The following ABHD6 variants were observed in gnomAD, a reference collection of about 807,000 sequenced individuals.
ABHD6 encodes the protein abhydrolase domain containing 6, acylglycerol lipase.
Under a neutral mutation model 38.8 loss-of-function variants are expected in ABHD6, and 33 were observed. That is an observed-to-expected ratio of 0.85 (90% CI 0.64 to 1.14). ABHD6 has a LOEUF of 1.14. ABHD6 is among the 50% of genes most tolerant of loss of function. The pLI is 0.00. For synonymous variants in ABHD6, 147 were observed against 161.6 expected (o/e 0.91, Z 0.69); for missense variants, 380 against 422.6 (o/e 0.90, Z 0.88).
At chr3:58,247,900 C>T (rs531501694) in intron 1 of ABHD6, among the ~76,000 whole-genome samples, 5 of 152,344 alleles carry the variant, frequency 3.3e-5, no homozygotes, top group East Asian at 3.9e-4. Context: ...GTTAAATATG[C>T]ACATAGTAGC....
chr3:58,280,192 T>G (rs1455835445), intron 7 of ABHD6, among the ~76,000 whole-genome samples: 3 of 152,222 alleles, frequency 2.0e-5, no homozygotes, highest in African/African-American at 7.2e-5. Context: ...GTTTTCCAAC[T>G]TGGTTCCATT....
At chr3:58,290,788 G>A (rs1322877426) in intron 9 of ABHD6, among the ~76,000 whole-genome samples, 6 of 148,968 alleles carry the variant, frequency 4.0e-5, no homozygotes, top group Admixed American at 2.7e-4. Flanking sequence ...ATGGGCGGCC[G>A]GGCAGAGACG....
rs925767117 is a variant in ABHD6 at position 58,245,018 on chromosome 3, A to G, written c.-90-4860A>G. On this transcript the variant is annotated intron_variant, in intron 1 of 9. Transcript: ENST00000478253. ...GAAAGAAGATGTGGATCAGTGCACAAGGACCCTGAATGCTAGACTTTGTGC... is the reference window on the plus strand; with the variant it reads ...GAAAGAAGATGTGGATCAGTGCACAGGGACCCTGAATGCTAGACTTTGTGC... 6.5e-4 allele frequency among the ~76,000 whole-genome samples: 99 copies of G among 152,188 alleles called. 3 individuals are homozygous for G. Among genetic ancestry groups the G allele is most frequent in the Non-Finnish European group, 7.3e-5 (5 of 68,042 alleles).
Position 58,285,153 on chromosome 3 carries a change from C to CT in ABHD6, c.736+17dup. On this transcript the variant is annotated intron_variant, in intron 8 of 9. Transcript: ENST00000478253. The surrounding 1 kb of genome is among the most constrained non-coding windows in gnomAD (Gnocchi z 4.9). ...TCTACCGAAAGTGTAAGTAGCCCTA[C>CT]TTTCAGCTTGGAGCTTGTTACAAGT... The CT allele has an allele frequency of 6.2e-7, 1 of 1,613,410 alleles. No individual in the cohort carries two copies. The highest frequency in any genetic ancestry group is 1.1e-5 in the South Asian group (1 of 91,068).
At chr3:58,280,942 T>C (rs776225885) in intron 7 of ABHD6, among the ~76,000 whole-genome samples, 4 of 152,154 alleles carry the variant, frequency 2.6e-5, no homozygotes, top group Admixed American at 6.5e-5. Context: ...ACAGCAAATA[T>C]TGCTGCCTGA....
At chr3:58,247,008 AG>A (rs1466693023) in intron 1 of ABHD6, among the ~76,000 whole-genome samples, 1 of 149,754 alleles carries the variant, frequency 6.7e-6, no homozygotes, top group Non-Finnish European at 1.5e-5. Flanking sequence ...AATGAAAAAC[AG>A]TTAATATTTG....
At chr3:58,275,804 C>T (rs1157564721) in intron 7 of ABHD6, among the ~76,000 whole-genome samples, 3 of 152,122 alleles carry the variant, frequency 2.0e-5, no homozygotes, top group African/African-American at 7.2e-5. Flanking sequence ...GCCCCCTACC[C>T]CCTGCCTGGT....
At chr3:58,252,231 T>TTG (rs2097430444) in intron 2 of ABHD6, among the ~76,000 whole-genome samples, 1 of 137,796 alleles carries the variant, frequency 7.3e-6, no homozygotes, top group African/African-American at 2.8e-5. Flanking sequence ...GACTGCTTGT[T>TTG]TTTTTTTTTT....
chr3:58,244,145 T>C (rs2097424719), intron 1 of ABHD6, among the ~76,000 whole-genome samples: 1 of 152,148 alleles, frequency 6.6e-6, no homozygotes, highest in African/African-American at 2.4e-5. Context: ...ACATAAACAA[T>C]GGAAAGTAAA....
rs950339573 is a variant in ABHD6 at position 58,265,770 on chromosome 3, T to C, written c.120-1419T>C. ...CAATATCTGGCAAGGGCCTTCCTGC[T>C]GTGTCATCCCGTGGTGGAAGGTAGA... On this transcript the variant is annotated intron_variant, in intron 3 of 9. Transcript: ENST00000478253. This position sits in a 1 kb window ranked among gnomAD's most constrained non-coding sequence, Gnocchi z 4.2. Among the ~76,000 whole-genome samples the C allele has an allele frequency of 1.3e-5, 2 of 152,212 alleles. No individual in the cohort carries two copies. The highest frequency in any genetic ancestry group is 2.9e-5 in the Non-Finnish European group (2 of 68,034).
intron 7 of ABHD6, among the ~76,000 whole-genome samples, chr3:58,275,805 C>G (rs374331831): frequency 1.3e-5 from 2 of 152,246 alleles, no homozygotes; most frequent in East Asian, 1.9e-4. Flanking sequence ...CCCCCTACCC[C>G]CTGCCTGGTG....
rs550949916 is a variant in ABHD6, at chr3:58,252,545, C to G, written c.-26+2603C>G. ...TAACACCACCACACTGAGAGTTTCT[C>G]TTTGACCCAAGCAGGACTGAAAAGA... On this transcript the variant is annotated intron_variant, in intron 2 of 9. Transcript: ENST00000478253. 1.7e-4 allele frequency among the ~76,000 whole-genome samples: 26 copies of G among 152,222 alleles called. No individual in the cohort carries two copies. In the South Asian group the frequency reaches 5.4e-3, roughly 32 times the overall value.
At chr3:58,268,816 T>C (rs934175518) in intron 4 of ABHD6, among the ~76,000 whole-genome samples, 1 of 152,196 alleles carries the variant, frequency 6.6e-6, no homozygotes, top group African/African-American at 2.4e-5. Context: ...ATAATAATAA[T>C]TTGGAAAAGT....
At position 58,267,224 on chromosome 3, in the gene ABHD6, A is replaced by G. The variant is rs1459545484; in HGVS notation, c.155A>G (p.Tyr52Cys). The change falls in exon 4 of 10, where the codon TAT becomes TGT. Residue 52 changes from tyrosine (Y) to cysteine (C), a missense_variant. Transcript: ENST00000478253. This position sits in a 1 kb window ranked among gnomAD's most constrained non-coding sequence, Gnocchi z 4.3. ...WRRTLGMQVR[Y>C]VHHEDYQFCY... ...AGGACATTGGGCATGCAAGTCCGCTATGTTCACCATGAAGACTATCAGTTC... is the reference window on the plus strand; with the variant it reads ...AGGACATTGGGCATGCAAGTCCGCTGTGTTCACCATGAAGACTATCAGTTC... 14 of 1,614,154 alleles carry G rather than the reference A, an allele frequency of 8.7e-6. No individual in the cohort carries two copies. Among genetic ancestry groups the G allele is most frequent in the Non-Finnish European group, 1.1e-5 (13 of 1,180,006 alleles).
At chr3:58,244,779 C>T (rs565977663) in intron 1 of ABHD6, among the ~76,000 whole-genome samples, 10 of 152,030 alleles carry the variant, frequency 6.6e-5, no homozygotes, top group African/African-American at 2.4e-4. Context: ...CAAAAAAAAG[C>T]ACAGAAATGT....
Position 58,238,360 on chromosome 3 carries a change from C to G in ABHD6, c.-91+444C>G, listed in dbSNP as rs1264708752. On this transcript the variant is annotated intron_variant, in intron 1 of 9. Transcript: ENST00000478253. This position sits in a 1 kb window ranked among gnomAD's most constrained non-coding sequence, Gnocchi z 6.9. ...ATAGCATCTTGCTCCGTGTCACGCGCCGCCTCCGCGCCGTCCCCAAGATCT... is the reference window on the plus strand; with the variant it reads ...ATAGCATCTTGCTCCGTGTCACGCGGCGCCTCCGCGCCGTCCCCAAGATCT... The G allele has an allele frequency of 6.6e-6, 1 of 152,596 alleles. No individual in the cohort carries two copies. The highest frequency in any genetic ancestry group is 2.4e-5 in the African/African-American group (1 of 41,472). 9.5% of individuals were successfully genotyped at this position (152,596 alleles called of 1,614,324 possible). A position where few individuals can be genotyped will look rare whatever the true frequency, so the allele number is the denominator to read the frequency against.
In ABHD6 at chr3:58,285,551, T is replaced by C. The variant is rs1056691043; in HGVS notation, c.837+98T>C. ...ACAAGTGGTTATTTATGGAGTGAGC[T>C]GATCGCTGCTGTCAGGAAGAGGGGG... On this transcript the variant is annotated intron_variant, in intron 9 of 9. Transcript: ENST00000478253. The surrounding 1 kb of genome is among the most constrained non-coding windows in gnomAD (Gnocchi z 4.9). The C allele has an allele frequency of 1.9e-6, 2 of 1,042,636 alleles. No individual in the cohort carries two copies. The highest frequency in any genetic ancestry group is 1.6e-5 in the African/African-American group (1 of 63,986). 64.6% of individuals were successfully genotyped at this position (1,042,636 alleles called of 1,614,324 possible).
intron 1 of ABHD6, among the ~76,000 whole-genome samples, chr3:58,245,638 G>C (rs954236442): frequency 6.6e-6 from 1 of 152,150 alleles, no homozygotes; most frequent in Non-Finnish European, 1.5e-5. Context: ...AATTAGCCGG[G>C]TATGATGGTG....
rs948429723 is a variant in ABHD6 at position 58,287,015 on chromosome 3, G to A, written c.837+1562G>A. On this transcript the variant is annotated intron_variant, in intron 9 of 9. Coordinates refer to ENST00000478253, the MANE Select transcript of ABHD6 (RefSeq NM_001320126.2). This position sits in a 1 kb window ranked among gnomAD's most constrained non-coding sequence, Gnocchi z 4.7. Reference sequence around the variant, plus strand: ...AAGAAGGCCAGGCATGGTGGCTTACGCCTATAATGCCAGCACTTTGGGAGG... The same window carrying A: ...AAGAAGGCCAGGCATGGTGGCTTACACCTATAATGCCAGCACTTTGGGAGG... Among the ~76,000 whole-genome samples, 3 of 150,288 alleles carry A rather than the reference G, an allele frequency of 2.0e-5. No homozygotes were observed. Among genetic ancestry groups the A allele is most frequent in the African/African-American group, 4.9e-5 (2 of 40,850 alleles).
Sources: allele counts gnomAD v4.1 joint callset (sites outside exome capture counted in the v4.1 genomes callset), GRCh38; gene constraint gnomAD v4.1.1; non-coding constraint Gnocchi (gnomAD v3.1); transcripts MANE v1.5; gene names NCBI Gene and HGNC (gene_info 2026-07-23, HGNC 2026-07-21).